SNCAIP: variants seen among roughly 807,000 people sequenced by gnomAD.
SNCAIP encodes the protein synphilin-1.
SNCAIP carries 43 observed loss-of-function variants against 86.7 expected under a neutral mutation model. The ratio of observed to expected loss-of-function variants is 0.50; its 90% confidence interval spans 0.39 to 0.64. The LOEUF is 0.64. SNCAIP is among the 30% of genes least tolerant of loss of function. SNCAIP has a pLI of 0.00. For synonymous variants in SNCAIP, 417 were observed against 427.2 expected (o/e 0.98, Z 0.29); for missense variants, 981 against 1,103.1 (o/e 0.89, Z 1.57).
rs73287571 is a variant in SNCAIP at position 122,446,628 on chromosome 5, C to T, written c.1592+1896C>T. 2.8e-3 allele frequency among the ~76,000 whole-genome samples: 423 copies of T among 152,274 alleles called. 1 individual carries two copies. Among genetic ancestry groups the T allele is most frequent in the African/African-American group, 9.8e-3 (409 of 41,544 alleles). On this transcript the variant is annotated intron_variant, in intron 8 of 10. Coordinates refer to ENST00000261368, the MANE Select transcript of SNCAIP (RefSeq NM_005460.4). ...TGACAAGATGAACTAAGAGAGGCTACGTTGTATACCCTAGTCTTTTACCTA... is the reference window on the plus strand; with the variant it reads ...TGACAAGATGAACTAAGAGAGGCTATGTTGTATACCCTAGTCTTTTACCTA...
chr5:122,371,340 A>T (rs1334941269), intron 1 of SNCAIP: 2 of 151,890 alleles, frequency 1.3e-5, no homozygotes, highest in East Asian at 3.9e-4. Context: ...TCAGGTGGTC[A>T]TTGTGCCTTT....
intron 1 of SNCAIP, among the ~76,000 whole-genome samples, chr5:122,340,374 G>A (rs1757317770): frequency 6.6e-6 from 1 of 152,140 alleles, no homozygotes. Context: ...GAGCCATCAT[G>A]TTTTCCCCTT....
intron 1 of SNCAIP, among the ~76,000 whole-genome samples, chr5:122,323,061 T>G (rs1229383508): frequency 6.6e-6 from 1 of 152,124 alleles, no homozygotes; most frequent in African/African-American, 2.4e-5. Context: ...GGTGAAAGGT[T>G]TAAAAGAATT....
At chr5:122,342,307 A>G (rs1220677308) in intron 1 of SNCAIP, among the ~76,000 whole-genome samples, 2 of 151,972 alleles carry the variant, frequency 1.3e-5, no homozygotes, top group Non-Finnish European at 2.9e-5. Flanking sequence ...GGAACCAGCA[A>G]CTCCGTTTAT....
chr5:122,324,281 G>T (rs770165716), intron 1 of SNCAIP, among the ~76,000 whole-genome samples: 1 of 152,130 alleles, frequency 6.6e-6, no homozygotes, highest in Non-Finnish European at 1.5e-5. Flanking sequence ...TCCAAGCTTA[G>T]AACAACCTGG....
intron 3 of SNCAIP, among the ~76,000 whole-genome samples, chr5:122,415,121 C>T (rs780896243): frequency 4.0e-4 from 61 of 152,190 alleles, no homozygotes; most frequent in Non-Finnish European, 7.3e-4. Flanking sequence ...CACCTGAAGA[C>T]GGAGGTGCAG....
chr5:122,355,505 A>G (rs747912290), intron 1 of SNCAIP, among the ~76,000 whole-genome samples: 1 of 152,236 alleles, frequency 6.6e-6, no homozygotes, highest in Non-Finnish European at 1.5e-5. Flanking sequence ...TTAGAAACCT[A>G]TAAAATTGCC....
intron 5 of SNCAIP, among the ~76,000 whole-genome samples, chr5:122,427,194 CT>C (rs1440168550): frequency 1.3e-5 from 2 of 152,184 alleles, no homozygotes; most frequent in South Asian, 4.1e-4. Flanking sequence ...TGCCCTAGGG[CT>C]TGTTTTGATA....
At chr5:122,453,078 G>A in intron 10 of SNCAIP, 2 of 837,088 alleles carry the variant, frequency 2.4e-6, no homozygotes, top group Non-Finnish European at 3.9e-6. Context: ...TGGACTTGGA[G>A]CACCTTTCAT....
chr5:122,444,181 A>G (rs555185016), intron 7 of SNCAIP: 5 of 463,900 alleles, frequency 1.1e-5, no homozygotes, highest in Admixed American at 2.3e-5. Context: ...CTAGAGCCCA[A>G]GCAAATGAGA....
chr5:122,323,728 G>A (rs1753455295), intron 1 of SNCAIP, among the ~76,000 whole-genome samples: 1 of 152,178 alleles, frequency 6.6e-6, no homozygotes, highest in African/African-American at 2.4e-5. Context: ...TTATCGTGAG[G>A]CTAATTGATG....
chr5:122,383,112 G>C (rs1382077107), intron 1 of SNCAIP, among the ~76,000 whole-genome samples: 4 of 152,200 alleles, frequency 2.6e-5, no homozygotes, highest in Non-Finnish European at 5.9e-5. Context: ...TAGCAAGCCT[G>C]GGCAATGGCA....
chr5:122,348,249 C>G (rs538503479), intron 1 of SNCAIP, among the ~76,000 whole-genome samples: 1 of 151,888 alleles, frequency 6.6e-6, no homozygotes, highest in Admixed American at 6.6e-5. Flanking sequence ...AAAGTTTATT[C>G]TTTTTTATTA....
chr5:122,445,532 G>T lies in SNCAIP; in HGVS notation c.1592+800G>T, dbSNP rs867047930. ...GCTCACCCATTAAATACAGTTTCCA[G>T]ATTGGGGAGGGTTTCCTGAAAATCA... On this transcript the variant is annotated intron_variant, in intron 8 of 10. Coordinates refer to ENST00000261368, the MANE Select transcript of SNCAIP (RefSeq NM_005460.4). 5.9e-5 allele frequency among the ~76,000 whole-genome samples: 9 copies of T among 152,146 alleles called. 1 individual carries two copies. In the South Asian group the frequency reaches 1.9e-3, roughly 32 times the overall value.
chr5:122,396,798 T>C (rs1181976025), intron 2 of SNCAIP, among the ~76,000 whole-genome samples: 1 of 152,200 alleles, frequency 6.6e-6, no homozygotes, highest in African/African-American at 2.4e-5. Context: ...TGATTGATTA[T>C]TGGCTCACAA....
rs372208420 is a variant in SNCAIP, at chr5:122,449,905, A to G, written c.1653A>G (p.Lys551=). 3 of 1,613,732 alleles carry G rather than the reference A, an allele frequency of 1.9e-6. No individual in the cohort carries two copies. In the African/African-American group the frequency reaches 4.0e-5, roughly 22 times the overall value. ...NQLQQFLEAQ[K]SEGKSLPSSP... is the part of the protein sequence containing the mutation. ...TCCAACAATTTCTAGAAGCCCAGAA[A>G]TCAGAGGGCAAGTCACTCCCTTCTT... The change falls in exon 9 of 11, where the codon AAA becomes AAG. Residue 551 remains lysine, a synonymous_variant. Coordinates refer to ENST00000261368, the MANE Select transcript of SNCAIP (RefSeq NM_005460.4).
chr5:122,322,890 T>C (rs748380280), intron 1 of SNCAIP, among the ~76,000 whole-genome samples: 1 of 152,222 alleles, frequency 6.6e-6, no homozygotes, highest in African/African-American at 2.4e-5. Context: ...CTGCTTTCAT[T>C]TGGGATTCTT....
intron 1 of SNCAIP, among the ~76,000 whole-genome samples, chr5:122,385,666 C>T (rs554237281): frequency 1.6e-4 from 24 of 148,896 alleles, no homozygotes; most frequent in South Asian, 1.1e-3. Flanking sequence ...CATGCGTGTG[C>T]GCACGTATGT....
At chr5:122,416,774 C>T (rs1273616870) in intron 3 of SNCAIP, among the ~76,000 whole-genome samples, 1 of 152,176 alleles carries the variant, frequency 6.6e-6, no homozygotes, top group Non-Finnish European at 1.5e-5. Flanking sequence ...CTGACTCTAG[C>T]ATTAATACTC....
Sources: allele counts gnomAD v4.1 joint callset (sites outside exome capture counted in the v4.1 genomes callset), GRCh38; gene constraint gnomAD v4.1.1; transcripts MANE v1.5; gene names NCBI Gene and HGNC (gene_info 2026-07-23, HGNC 2026-07-21).